The following BCHE variants were observed in gnomAD, a reference collection of about 807,000 sequenced individuals.
BCHE encodes butyrylcholinesterase.
BCHE carries 48 observed loss-of-function variants against 51.3 expected under a neutral mutation model. That is an observed-to-expected ratio of 0.94 (90% CI 0.74 to 1.19). The LOEUF (loss-of-function observed/expected upper bound fraction) is 1.19. Among genes scored for constraint, BCHE ranks in the 50% most tolerant of loss-of-function variants. The probability of loss-of-function intolerance (pLI) is 0.00; values close to 1 mark genes in which losing one functional copy is unlikely to be tolerated. For missense variants in BCHE, 847 were observed against 708.2 expected, an observed-to-expected ratio of 1.20 and a Z score of -2.23; for synonymous variants, 251 against 238.0, an observed-to-expected ratio of 1.05 and a Z score of -0.50.
At chr3:165,827,622 C>A (rs998958317) in intron 2 of BCHE, among the ~76,000 whole-genome samples, 3 of 151,802 alleles carry the variant, frequency 2.0e-5, no homozygotes, top group Admixed American at 1.3e-4. Flanking sequence ...AAAATGAAGT[C>A]CTTTGAAAAG....
chr3:165,822,761 C>A (rs1714577645), intron 2 of BCHE, among the ~76,000 whole-genome samples: 1 of 152,020 alleles, frequency 6.6e-6, no homozygotes, highest in East Asian at 1.9e-4. Context: ...ATGATAACTT[C>A]CATTTTATAC....
chr3:165,830,976 A>C lies in BCHE; in HGVS notation c.58T>G (p.Cys20Gly). ...IRFLFWFLLL[C>G]MLIGKSHTED... ...GTATGTGACTTCCCAATAAGCATGC[A>C]GAGCAAAAGAAACCAAAAGAGAAAT... Residue 20 changes from cysteine to glycine, a missense_variant, in exon 2 of 4, where the codon TGC (cysteine) becomes GGC (glycine). Physicochemically the swap from Cys to Gly is radical, Grantham distance 159. Transcript: ENST00000264381. 1 of 1,613,826 alleles carries C rather than the reference A, an allele frequency of 6.2e-7. No individual in the cohort carries two copies. The highest frequency in any genetic ancestry group is 1.3e-5 in the African/African-American group (1 of 75,038).
chr3:165,818,952 A>G (rs1714408377), intron 2 of BCHE, among the ~76,000 whole-genome samples: 1 of 152,120 alleles, frequency 6.6e-6, no homozygotes, highest in South Asian at 2.1e-4. Flanking sequence ...CTCTAATGCC[A>G]TGCTCTTTTG....
At chr3:165,783,793 A>G (rs1181584467) in intron 3 of BCHE, among the ~76,000 whole-genome samples, 1 of 151,996 alleles carries the variant, frequency 6.6e-6, no homozygotes, top group African/African-American at 2.4e-5. Flanking sequence ...TAGTTATGAT[A>G]TTGTAATATT....
intron 2 of BCHE, among the ~76,000 whole-genome samples, chr3:165,825,433 ATATT>A (rs1714682593): frequency 6.6e-6 from 1 of 152,178 alleles, no homozygotes; most frequent in Admixed American, 6.6e-5. Flanking sequence ...GTGTAGGGAA[ATATT>A]TATTTGATAA....
At chr3:165,833,690 A>G (rs899801704) in intron 1 of BCHE, among the ~76,000 whole-genome samples, 1 of 152,150 alleles carries the variant, frequency 6.6e-6, no homozygotes, top group African/African-American at 2.4e-5. Context: ...GAGGCACTCT[A>G]CTGCTTCAGT....
intron 2 of BCHE, among the ~76,000 whole-genome samples, chr3:165,791,749 G>A (rs55854629): frequency 0.096 from 14,609 of 151,892 alleles, 761 homozygotes; most frequent in Admixed American, 0.14. Context: ...GGTCAGGAGT[G>A]CAAGACCAGA....
rs1399483773 is a variant in BCHE, at chr3:165,830,179, C to A, written c.855G>T (p.Glu285Asp). ...TTCTAAGACACTTGATTATTTCAGT[C>A]TCATTCTCTCTAGAGCAACCAGTCA... ...AKLTGCSREN[E>D]TEIIKCLRNK... The change falls in exon 2 of 4, where the codon GAG becomes GAT. Residue 285 changes from glutamate (E) to aspartate (D), a missense_variant. Transcript: ENST00000264381. 3.7e-6 allele frequency: 6 copies of A among 1,613,920 alleles called. No homozygotes were observed. In the East Asian group the frequency reaches 1.3e-4, roughly 36 times the overall value.
At chr3:165,794,933 G>A (rs1713311770) in intron 2 of BCHE, among the ~76,000 whole-genome samples, 1 of 151,952 alleles carries the variant, frequency 6.6e-6, no homozygotes, top group Non-Finnish European at 1.5e-5. Flanking sequence ...TATATTTTGA[G>A]CTTCAGAGAA....
Position 165,830,502 on chromosome 3 carries a change from C to G in BCHE, c.532G>C (p.Ala178Pro). 6.2e-7 allele frequency: 1 copy of G among 1,613,910 alleles called. No homozygotes were observed. ...CCTGGCAAAGCTAAGAATCCTAGGGCACCCACCCTATAGTTCATTGACACT... is the reference window on the plus strand; with the variant it reads ...CCTGGCAAAGCTAAGAATCCTAGGGGACCCACCCTATAGTTCATTGACACT... ...IVVSMNYRVG[A>P]LGFLALPGNP... The change falls in exon 2 of 4, where the codon GCC becomes CCC. Residue 178 changes from alanine to proline, a missense_variant. Coordinates refer to ENST00000264381, the MANE Select transcript of BCHE (RefSeq NM_000055.4).
intron 2 of BCHE, among the ~76,000 whole-genome samples, chr3:165,789,543 GA>G (rs1713090938): frequency 6.6e-6 from 1 of 152,040 alleles, no homozygotes; most frequent in African/African-American, 2.4e-5. Context: ...TTATCCTTAG[GA>G]ATTCAGAGAC....
At chr3:165,823,497 G>A (rs532934115) in intron 2 of BCHE, among the ~76,000 whole-genome samples, 50 of 152,152 alleles carry the variant, frequency 3.3e-4, no homozygotes, top group South Asian at 8.3e-4. Flanking sequence ...TGACAGTTAA[G>A]AAAAGGGGAA....
At chr3:165,776,568 A>G (rs928495302) in intron 3 of BCHE, among the ~76,000 whole-genome samples, 3 of 151,940 alleles carry the variant, frequency 2.0e-5, no homozygotes, top group African/African-American at 7.2e-5. Context: ...TTGATACTAA[A>G]TTCACAGGTC....
intron 3 of BCHE, among the ~76,000 whole-genome samples, chr3:165,784,607 G>A (rs1377888211): frequency 6.6e-6 from 1 of 151,832 alleles, no homozygotes; most frequent in African/African-American, 2.4e-5. Context: ...AAACTTTGGA[G>A]TTTGTTTATT....
At chr3:165,773,595 C>T in intron 3 of BCHE, 89 bp from the exon 4 acceptor site, 4 of 1,110,582 alleles carry the variant, frequency 3.6e-6, no homozygotes, top group East Asian at 2.5e-5. Context: ...GCCATTTTCT[C>T]TAACTACACA....
chr3:165,783,915 G>A (rs989164348), intron 3 of BCHE, among the ~76,000 whole-genome samples: 11 of 151,882 alleles, frequency 7.2e-5, no homozygotes, highest in Non-Finnish European at 1.3e-4. Flanking sequence ...GCTGAAGTAT[G>A]GTCTGAAAGT....
At chr3:165,832,693 C>T (rs1715035780) in intron 1 of BCHE, among the ~76,000 whole-genome samples, 1 of 152,114 alleles carries the variant, frequency 6.6e-6, no homozygotes, top group Admixed American at 6.6e-5. Flanking sequence ...CAAAGCCTTC[C>T]CTTTATTTTT....
At chr3:165,791,435 G>T (rs1318121455) in intron 2 of BCHE, among the ~76,000 whole-genome samples, 1 of 152,160 alleles carries the variant, frequency 6.6e-6, no homozygotes, top group African/African-American at 2.4e-5. Flanking sequence ...AGAAGTGTTG[G>T]TTGCTTGAAC....
chr3:165,774,321 AAT>A (rs1712383735), intron 3 of BCHE, among the ~76,000 whole-genome samples: 1 of 151,642 alleles, frequency 6.6e-6, no homozygotes. Flanking sequence ...ATTATAATAC[AAT>A]GTTTTATTTT....
Sources: gnomAD v4.1 joint callset for allele counts (sites outside exome capture counted in the v4.1 genomes callset) on GRCh38, gnomAD v4.1.1 for gene constraint, MANE v1.5 for transcripts, NCBI Gene and HGNC (gene_info 2026-07-23, HGNC 2026-07-21) for gene names.